ANO6: variants seen among roughly 807,000 people sequenced by gnomAD.
The protein encoded by ANO6 is anoctamin 6.
ANO6 carries 106 observed loss-of-function variants against 117.5 expected under a neutral mutation model. The ratio of observed to expected loss-of-function variants is 0.90; its 90% CI spans 0.77 to 1.06. ANO6 has a LOEUF of 1.06. Ranked by LOEUF, ANO6 falls within the 50% of genes least tolerant of loss-of-function variation. The pLI is 0.00. For synonymous variants in ANO6, 367 were observed against 385.1 expected, an observed-to-expected ratio of 0.95 and a Z score of 0.55; for missense variants, 955 against 1,121.1, an observed-to-expected ratio of 0.85 and a Z score of 2.12.
chr12:45,429,517 T>G lies in ANO6; in HGVS notation c.*206T>G, dbSNP rs560640747. On this transcript the variant is annotated 3_prime_UTR_variant, in exon 20 of 20. Transcript: ENST00000320560. ...TAGATCATGAAGGGCATAAAACTTA[T>G]CACCCGGAAAACCTCAATGTTACCT... 477 of 1,382,588 alleles carry G rather than the reference T, an allele frequency of 3.5e-4. 4 individuals carry two copies. The South Asian group carries it at 6.8e-3, about 20-fold the overall frequency. 85.6% of individuals were successfully genotyped at this position (1,382,588 alleles called of 1,614,324 possible).
intron 8 of ANO6, among the ~76,000 whole-genome samples, chr12:45,362,713 G>A (rs937917599): frequency 6.6e-6 from 1 of 151,750 alleles, no homozygotes; most frequent in Non-Finnish European, 1.5e-5. Flanking sequence ...TGGCTTCCCT[G>A]GGGATTATAA....
chr12:45,393,222 C>T lies in ANO6; in HGVS notation c.1386+2724C>T, dbSNP rs186780911. Among the ~76,000 whole-genome samples, 523 of 152,100 alleles carry T rather than the reference C, an allele frequency of 3.4e-3. 2 individuals carry two copies. Among genetic ancestry groups the T allele is most frequent in the Middle Eastern group, 0.02 (6 of 294 alleles). Reference sequence around the variant, plus strand: ...CATGCACAAGCTTCAGTAGCCAATTCGATCAAGTGGAAGAAAGGGTATCAG... The same window carrying T: ...CATGCACAAGCTTCAGTAGCCAATTTGATCAAGTGGAAGAAAGGGTATCAG... On this transcript the variant is annotated intron_variant, in intron 12 of 19. Transcript: ENST00000320560.
At chr12:45,425,294 A>G (rs1943473628) in intron 19 of ANO6, among the ~76,000 whole-genome samples, 1 of 152,168 alleles carries the variant, frequency 6.6e-6, no homozygotes, top group South Asian at 2.1e-4. Context: ...AAGAAAATAG[A>G]AAATATGAAA....
intron 1 of ANO6, among the ~76,000 whole-genome samples, chr12:45,249,531 G>T (rs1335762895): frequency 6.6e-6 from 1 of 152,160 alleles, no homozygotes; most frequent in Non-Finnish European, 1.5e-5. Flanking sequence ...GTGTTTTACT[G>T]ATAAATAATT....
At chr12:45,439,353 C>T (rs1370671632) in intron 19 of ANO6, among the ~76,000 whole-genome samples, 1 of 152,174 alleles carries the variant, frequency 6.6e-6, no homozygotes, top group Non-Finnish European at 1.5e-5. Flanking sequence ...CAAAACACTG[C>T]ATCGAGCAAA....
In ANO6 at chr12:45,346,961, A is replaced by G. The variant is rs536662544; in HGVS notation, c.280-61A>G. On this transcript the variant is annotated intron_variant, in intron 3 of 19. Coordinates refer to ENST00000320560, the MANE Select transcript of ANO6 (RefSeq NM_001025356.3). ...TTTGTTATTAATATTGTTTTAAAAA[A>G]TGCCTTTTTCTGCCTTTGGTAAACT... 83 of 1,484,092 alleles carry G rather than the reference A, an allele frequency of 5.6e-5. No individual in the cohort carries two copies. The African/African-American group carries it at 7.9e-4, about 14-fold the overall frequency. The allele number at this position is 1,484,092 out of a possible 1,614,324, so 91.9% of individuals were successfully genotyped here. A position where few individuals can be genotyped will look rare whatever the true frequency, so the allele number is the denominator to read the frequency against.
intron 2 of ANO6, among the ~76,000 whole-genome samples, chr12:45,323,015 A>G (rs906042345): frequency 6.6e-6 from 1 of 152,172 alleles, no homozygotes; most frequent in Non-Finnish European, 1.5e-5. Context: ...AATTGTCTCA[A>G]TGGTTAGTAC....
intron 15 of ANO6, among the ~76,000 whole-genome samples, chr12:45,404,151 G>T (rs953176721): frequency 1.3e-5 from 2 of 152,154 alleles, no homozygotes; most frequent in African/African-American, 2.4e-5. Flanking sequence ...GTTCTTTCAT[G>T]ATCCTAAGGC....
intron 1 of ANO6, among the ~76,000 whole-genome samples, chr12:45,250,569 TTTG>T (rs1003270418): frequency 7.3e-5 from 11 of 151,654 alleles, no homozygotes; most frequent in African/African-American, 1.5e-4. Context: ...ATTAAATTTT[TTTG>T]TTGTTGTTGT....
At position 45,298,355 on chromosome 12, in the gene ANO6, C is replaced by T. The variant is rs140914861; in HGVS notation, c.71-3659C>T. 6.7e-3 allele frequency among the ~76,000 whole-genome samples: 1,015 copies of T among 152,200 alleles called. 12 individuals carry two copies. Among genetic ancestry groups the T allele is most frequent in the African/African-American group, 0.023 (947 of 41,528 alleles). ...GAAAGAAATGAAATTAACATATTTG[C>T]CTTTTTAGAATTTTGTCTTGATTCT... On this transcript the variant is annotated intron_variant, in intron 1 of 19. Coordinates refer to ENST00000320560, the MANE Select transcript of ANO6 (RefSeq NM_001025356.3).
At chr12:45,374,821 C>T (rs1021642995) in intron 9 of ANO6, among the ~76,000 whole-genome samples, 1 of 152,156 alleles carries the variant, frequency 6.6e-6, no homozygotes, top group Non-Finnish European at 1.5e-5. Flanking sequence ...TCTCACCACT[C>T]CTATTCAACA....
In ANO6 at chr12:45,299,124, A is replaced by G. The variant is rs954075766; in HGVS notation, c.71-2890A>G. On this transcript the variant is annotated intron_variant, in intron 1 of 19. Coordinates refer to ENST00000320560, the MANE Select transcript of ANO6 (RefSeq NM_001025356.3). Reference sequence around the variant, plus strand: ...TAAAAAGATTAGGTCTTTTCTTCCAAATGTAAAGCAAGCTGCCCAGCACTA... The same window carrying G: ...TAAAAAGATTAGGTCTTTTCTTCCAGATGTAAAGCAAGCTGCCCAGCACTA... 2.6e-5 allele frequency among the ~76,000 whole-genome samples: 4 copies of G among 152,176 alleles called. 1 individual carries two copies. The highest frequency in any genetic ancestry group is 5.9e-5 in the Non-Finnish European group (4 of 68,032).
At chr12:45,297,636 T>C (rs1308063098) in intron 1 of ANO6, among the ~76,000 whole-genome samples, 1 of 152,194 alleles carries the variant, frequency 6.6e-6, no homozygotes, top group Non-Finnish European at 1.5e-5. Flanking sequence ...CTGTTGATTT[T>C]GGACTATCAA....
At chr12:45,348,701 A>G in intron 6 of ANO6, 70 bp downstream of exon 6, 1 of 1,135,280 alleles carries the variant, frequency 8.8e-7, no homozygotes, top group South Asian at 1.2e-5. Flanking sequence ...GCAAAGGGCT[A>G]ACTTTCCTGA....
At chr12:45,243,212 A>G (rs569254216) in intron 1 of ANO6, among the ~76,000 whole-genome samples, 84 of 152,328 alleles carry the variant, frequency 5.5e-4, no homozygotes, top group Non-Finnish European at 1.0e-3. Context: ...TCAGCCACTC[A>G]GGCAGCTGAG....
intron 12 of ANO6, among the ~76,000 whole-genome samples, chr12:45,394,607 C>A (rs947186070): frequency 6.6e-6 from 1 of 152,218 alleles, no homozygotes; most frequent in Non-Finnish European, 1.5e-5. Flanking sequence ...AAGCACTCCT[C>A]AGCAAATGTG....
At chr12:45,389,926 A>G (rs1942397195) in intron 11 of ANO6, among the ~76,000 whole-genome samples, 1 of 152,154 alleles carries the variant, frequency 6.6e-6, no homozygotes, top group Admixed American at 6.6e-5. Flanking sequence ...GTTGATTTCT[A>G]CTCTTAAGAA....
At chr12:45,372,994 T>G (rs1225810609) in intron 9 of ANO6, among the ~76,000 whole-genome samples, 1 of 152,042 alleles carries the variant, frequency 6.6e-6, no homozygotes, top group African/African-American at 2.4e-5. Flanking sequence ...ACACATAGGT[T>G]CAAAATAAAA....
chr12:45,262,502 G>A (rs762919002), intron 1 of ANO6, among the ~76,000 whole-genome samples: 2 of 151,448 alleles, frequency 1.3e-5, no homozygotes, highest in Non-Finnish European at 2.9e-5. Context: ...CTGGCTCACC[G>A]CAATCTCCGC....
Sources: gnomAD v4.1 joint callset for allele counts (sites outside exome capture counted in the v4.1 genomes callset) on GRCh38, gnomAD v4.1.1 for gene constraint, MANE v1.5 for transcripts, NCBI Gene and HGNC (gene_info 2026-07-23, HGNC 2026-07-21) for gene names.